The following NAV2 variants were observed in gnomAD, a reference collection of about 807,000 sequenced individuals.
The protein encoded by NAV2 is neuron navigator 2, also known as helicase, APC down-regulated 1.
A neutral mutation model predicts 223.2 loss-of-function variants in NAV2; 54 were observed. The observed-to-expected ratio is 0.24, with a 90% CI of 0.19 to 0.30. NAV2 has a LOEUF of 0.30. Among genes scored for constraint, NAV2 ranks in the 10% least tolerant of loss-of-function variants. The pLI, the probability that NAV2 is intolerant of heterozygous loss-of-function variation, is 1.00. For synonymous variants in NAV2, 1,279 were observed against 1,239.3 expected (o/e 1.03, Z -0.67); for missense variants, 2,806 against 3,147.5 (o/e 0.89, Z 2.60).
chr11:19,621,095 A>C (rs1218479222), intron 1 of NAV2, among the ~76,000 whole-genome samples: 1 of 152,206 alleles, frequency 6.6e-6, no homozygotes, highest in East Asian at 1.9e-4. Flanking sequence ...CCAGCCTTGC[A>C]TCCCAGGAAA....
rs1337395834 is a variant in NAV2 at position 19,777,199 on chromosome 11, G to A, written c.268-55285G>A. On this transcript the variant is annotated intron_variant, in intron 1 of 37. Transcript: ENST00000349880. ...GAGTTGTTTGATTTGGCGGAGGCGG[G>A]GAGGCCGGCGGGGAGCGAGCGAGGG... Among the ~76,000 whole-genome samples the A allele has an allele frequency of 1.5e-4, 23 of 151,562 alleles. No individual in the cohort carries two copies. The South Asian group carries it at 3.5e-3, about 23-fold the overall frequency.
intron 10 of NAV2, among the ~76,000 whole-genome samples, chr11:19,973,904 G>A (rs562292224): frequency 1.3e-5 from 2 of 152,342 alleles, no homozygotes; most frequent in East Asian, 1.9e-4. Context: ...GTTTCCAACA[G>A]TCGGACTGTC....
At chr11:19,915,869 T>A (rs113154029) in intron 6 of NAV2, among the ~76,000 whole-genome samples, 2 of 152,316 alleles carry the variant, frequency 1.3e-5, no homozygotes, top group African/African-American at 4.8e-5. Flanking sequence ...TGTTAAGTAC[T>A]TTAATATTTG....
intron 6 of NAV2, among the ~76,000 whole-genome samples, chr11:19,906,327 G>A (rs1429139442): frequency 6.6e-6 from 1 of 152,178 alleles, no homozygotes; most frequent in Non-Finnish European, 1.5e-5. Context: ...GCCAAACCTA[G>A]TCACGTGACC....
At chr11:20,106,392 C>G (rs558861874) in intron 35 of NAV2, among the ~76,000 whole-genome samples, 43 of 146,808 alleles carry the variant, frequency 2.9e-4, no homozygotes, top group African/African-American at 1.0e-3. Flanking sequence ...AACCCTGTCT[C>G]TACTAAAAAT....
chr11:20,043,032 A>G (rs2057079206), intron 12 of NAV2, among the ~76,000 whole-genome samples: 1 of 152,170 alleles, frequency 6.6e-6, no homozygotes, highest in South Asian at 2.1e-4. Context: ...AAATCCCACA[A>G]GGGGAGCAAA....
At chr11:19,603,835 T>C (rs1035639961) in intron 1 of NAV2, among the ~76,000 whole-genome samples, 1 of 151,992 alleles carries the variant, frequency 6.6e-6, no homozygotes, top group Admixed American at 6.6e-5. Context: ...TGGAAGGTTT[T>C]ATATAGGAGG....
At chr11:19,500,952 C>A (rs922453476) in intron 1 of NAV2, among the ~76,000 whole-genome samples, 2 of 152,168 alleles carry the variant, frequency 1.3e-5, no homozygotes, top group African/African-American at 2.4e-5. Flanking sequence ...AGTCTGACAG[C>A]GTCTCACTGG....
chr11:19,546,375 G>A (rs186954375), intron 1 of NAV2, among the ~76,000 whole-genome samples: 1 of 152,304 alleles, frequency 6.6e-6, no homozygotes, highest in Admixed American at 6.5e-5. Context: ...GACCAATGGA[G>A]GCCCCATGCT....
chr11:20,059,579 T>TA lies in NAV2; in HGVS notation c.4832-2719dup, dbSNP rs1034218545. Among the ~76,000 whole-genome samples, 12 of 151,056 alleles carry TA rather than the reference T, an allele frequency of 7.9e-5. No individual in the cohort carries two copies. The South Asian group carries it at 8.4e-4, about 11-fold the overall frequency. On this transcript the variant is annotated intron_variant, in intron 19 of 37. Coordinates refer to ENST00000349880, the MANE Select transcript of NAV2 (RefSeq NM_145117.5). ...TTCTAAAAGACACCAAAAGGCTCTT[T>TA]AAAAAAAAACAAACAAATGAAAAAA...
upstream of NAV2, among the ~76,000 whole-genome samples, chr11:19,709,608 G>A (rs1293220612): frequency 2.0e-5 from 3 of 150,972 alleles, no homozygotes; most frequent in African/African-American, 7.3e-5. Context: ...GCCAAGGCAG[G>A]TGGATCACTT....
At chr11:20,103,003 C>T (rs1270814008) in intron 32 of NAV2, among the ~76,000 whole-genome samples, 2 of 152,180 alleles carry the variant, frequency 1.3e-5, no homozygotes, top group Non-Finnish European at 2.9e-5. Context: ...ACCCCAGGCT[C>T]AAGGTTTCCA....
At chr11:20,093,583 A>G (rs1005101940) in intron 29 of NAV2, among the ~76,000 whole-genome samples, 8 of 152,192 alleles carry the variant, frequency 5.3e-5, no homozygotes, top group African/African-American at 1.9e-4. Context: ...CATGCAGCCG[A>G]CCAAGAGCAC....
chr11:19,664,795 G>C (rs2048367750), intron 1 of NAV2, among the ~76,000 whole-genome samples: 1 of 152,302 alleles, frequency 6.6e-6, no homozygotes, highest in African/African-American at 2.4e-5. Flanking sequence ...CCCAAATGAA[G>C]GAGAGGAAAT....
intron 1 of NAV2, among the ~76,000 whole-genome samples, chr11:19,609,377 T>C (rs932652220): frequency 5.9e-5 from 9 of 151,918 alleles, no homozygotes; most frequent in Non-Finnish European, 1.0e-4. Context: ...AAAAAGAGAA[T>C]ACAAAATATA....
At chr11:19,984,311 G>C in intron 11 of NAV2, 64 bp downstream of exon 11, 1 of 1,609,700 alleles carries the variant, frequency 6.2e-7, no homozygotes, top group Non-Finnish European at 8.5e-7. Context: ...CCTGAGAAAT[G>C]AGGGTTATGA....
chr11:19,472,353 A>T (rs2041989314), intron 1 of NAV2, among the ~76,000 whole-genome samples: 1 of 152,176 alleles, frequency 6.6e-6, no homozygotes, highest in African/African-American at 2.4e-5. Flanking sequence ...CAGGTTCCTC[A>T]TCTGTAAAGT....
At chr11:19,989,988 A>C (rs1210171637) in intron 11 of NAV2, among the ~76,000 whole-genome samples, 1 of 152,164 alleles carries the variant, frequency 6.6e-6, no homozygotes, top group Admixed American at 6.5e-5. Context: ...CAATGCCCAA[A>C]CAGCTGGAAA....
At chr11:19,539,330 A>G (rs2044277105) in intron 1 of NAV2, among the ~76,000 whole-genome samples, 1 of 152,200 alleles carries the variant, frequency 6.6e-6, no homozygotes, top group Admixed American at 6.5e-5. Flanking sequence ...TCTGTCCAAG[A>G]AGGTTTCACA....
Sources: gnomAD v4.1 joint callset for allele counts (sites outside exome capture counted in the v4.1 genomes callset) on GRCh38, gnomAD v4.1.1 for gene constraint, MANE v1.5 for transcripts, NCBI Gene and HGNC (gene_info 2026-07-23, HGNC 2026-07-21) for gene names.